The following CNTN4 variants were observed in gnomAD, a reference collection of about 807,000 sequenced individuals.
CNTN4 encodes contactin 4.
CNTN4 carries 77 observed loss-of-function variants against 122.5 expected under a neutral mutation model. That is an observed-to-expected ratio of 0.63 (90% CI 0.52 to 0.76). CNTN4 has a LOEUF of 0.76. Ranked by LOEUF, CNTN4 falls within the 30% of genes least tolerant of loss-of-function variation. CNTN4 has a pLI of 0.00. For synonymous variants in CNTN4, 512 were observed against 447.0 expected (o/e 1.15, Z -1.83); for missense variants, 1,256 against 1,259.1 (o/e 1.00, Z 0.04).
chr3:2,542,042 C>A (rs550471977), intron 3 of CNTN4, among the ~76,000 whole-genome samples: 108 of 152,254 alleles, frequency 7.1e-4, no homozygotes, highest in Non-Finnish European at 9.1e-4. Context: ...TGGTACAGGA[C>A]ACTCTGCAGG....
At chr3:2,894,570 T>C (rs2094084948) in intron 10 of CNTN4, among the ~76,000 whole-genome samples, 1 of 152,172 alleles carries the variant, frequency 6.6e-6, no homozygotes, top group Non-Finnish European at 1.5e-5. Flanking sequence ...GATTAGATAT[T>C]CCATATATTA....
intron 4 of CNTN4, among the ~76,000 whole-genome samples, chr3:2,631,875 AAAAC>A (rs1280018410): frequency 1.5e-5 from 2 of 132,308 alleles, no homozygotes; most frequent in Admixed American, 8.0e-5. Context: ...CAAAAAAAAA[AAAAC>A]AAAAAAAAAC....
chr3:2,162,590 C>G (rs17194154), intron 2 of CNTN4, among the ~76,000 whole-genome samples: 36,347 of 152,082 alleles, frequency 0.24, 4,998 homozygotes, highest in Non-Finnish European at 0.33. Context: ...GGGAGCTGTT[C>G]TGACCTGTTT....
intron 3 of CNTN4, among the ~76,000 whole-genome samples, chr3:2,420,238 A>G (rs907772602): frequency 7.9e-5 from 12 of 152,136 alleles, no homozygotes; most frequent in African/African-American, 2.7e-4. Context: ...TGCACTGCTT[A>G]TATGCACAAG....
chr3:2,127,636 C>CA (rs1465702429), intron 2 of CNTN4, among the ~76,000 whole-genome samples: 3 of 146,646 alleles, frequency 2.0e-5, no homozygotes, highest in Admixed American at 2.0e-4. Context: ...GAATGCCCCA[C>CA]AACCCCACCC....
intron 13 of CNTN4, among the ~76,000 whole-genome samples, chr3:2,977,900 A>G (rs1693577842): frequency 6.6e-6 from 1 of 152,188 alleles, no homozygotes; most frequent in South Asian, 2.1e-4. Context: ...AAATTTGGAT[A>G]CAGAGGGAAG....
At chr3:2,690,474 A>G (rs552590247) in intron 4 of CNTN4, among the ~76,000 whole-genome samples, 2 of 152,148 alleles carry the variant, frequency 1.3e-5, no homozygotes, top group Admixed American at 6.6e-5. Context: ...TTTATCATCA[A>G]TAAGTGTGGT....
At chr3:2,196,180 G>A (rs1194894451) in intron 2 of CNTN4, among the ~76,000 whole-genome samples, 2 of 152,144 alleles carry the variant, frequency 1.3e-5, no homozygotes, top group African/African-American at 4.8e-5. Flanking sequence ...TCTCTTTGCT[G>A]TTTTTCAGAT....
intron 18 of CNTN4, chr3:3,037,554 A>G: frequency 1.7e-6 from 1 of 575,166 alleles, no homozygotes. Context: ...GTACAGCAAG[A>G]GACACACGGT....
At chr3:2,965,965 G>A (rs1023667418) in intron 13 of CNTN4, among the ~76,000 whole-genome samples, 2 of 152,092 alleles carry the variant, frequency 1.3e-5, no homozygotes, top group Admixed American at 6.5e-5. Flanking sequence ...TCATTTCAGG[G>A]AACCACATTA....
At chr3:2,414,337 C>T (rs558534115) in intron 3 of CNTN4, among the ~76,000 whole-genome samples, 2 of 152,074 alleles carry the variant, frequency 1.3e-5, no homozygotes, top group African/African-American at 4.8e-5. Flanking sequence ...TAGTAGATCC[C>T]ACATAAAAAT....
intron 7 of CNTN4, among the ~76,000 whole-genome samples, chr3:2,865,747 C>T (rs2093717141): frequency 1.3e-5 from 2 of 152,202 alleles, no homozygotes. Context: ...CAATAGTTCA[C>T]TGCAGCAAAT....
chr3:2,189,478 A>G (rs1440124705), intron 2 of CNTN4, among the ~76,000 whole-genome samples: 7 of 152,194 alleles, frequency 4.6e-5, no homozygotes, highest in Non-Finnish European at 7.3e-5. Context: ...TAGTGCTGGA[A>G]TAGAGAGGGT....
At chr3:2,879,547 G>A (rs190541513) in intron 8 of CNTN4, among the ~76,000 whole-genome samples, 4 of 152,226 alleles carry the variant, frequency 2.6e-5, no homozygotes, top group East Asian at 3.9e-4. Context: ...TTACAACATC[G>A]ATCAATCTCG....
chr3:2,835,060 A>G (rs1473058079), intron 7 of CNTN4, among the ~76,000 whole-genome samples: 3 of 151,116 alleles, frequency 2.0e-5, no homozygotes, highest in Non-Finnish European at 2.9e-5. Context: ...GCCCGCCACC[A>G]CGCCCGGCTC....
At chr3:2,653,163 TTTTTTAAAAATTGTAAATCTCCACAA>T (rs1392336317) in intron 4 of CNTN4, among the ~76,000 whole-genome samples, 4 of 152,132 alleles carry the variant, frequency 2.6e-5, no homozygotes, top group African/African-American at 9.6e-5. Context: ...ATGTGAAAGC[TTTTTTAAAAATTGTAAATCTCCACAA>T]TTTTTAAAAA....
chr3:2,960,927 C>A (rs1391033274), intron 13 of CNTN4, among the ~76,000 whole-genome samples: 1 of 152,024 alleles, frequency 6.6e-6, no homozygotes. Context: ...CGCTACCATG[C>A]GAACAAGATA....
At chr3:2,677,369 G>A (rs372354007) in intron 4 of CNTN4, among the ~76,000 whole-genome samples, 4 of 39,292 alleles carry the variant, frequency 1.0e-4, no homozygotes, top group South Asian at 1.2e-3. Flanking sequence ...GTCTTGCTCT[G>A]TCACCCAGGT....
intron 2 of CNTN4, among the ~76,000 whole-genome samples, chr3:2,117,772 T>C (rs1237360347): frequency 6.6e-6 from 1 of 152,186 alleles, no homozygotes; most frequent in African/African-American, 2.4e-5. Flanking sequence ...CCCGGGTGAT[T>C]TTATTAGACA....
Sources: allele counts gnomAD v4.1 joint callset (sites outside exome capture counted in the v4.1 genomes callset), GRCh38; gene constraint gnomAD v4.1.1; transcripts MANE v1.5; gene names NCBI Gene and HGNC (gene_info 2026-07-23, HGNC 2026-07-21).